The following RUNX1T1 variants were observed in gnomAD, a reference collection of about 807,000 sequenced individuals.
RUNX1T1 encodes the protein protein CBFA2T1.
A neutral mutation model predicts 62.8 loss-of-function variants in RUNX1T1; 4 were observed. That is an observed-to-expected ratio of 0.06 (90% CI 0.03 to 0.15). The LOEUF (loss-of-function observed/expected upper bound fraction) is 0.15, where lower values mean the gene tolerates loss of function less well. Among genes scored for constraint, RUNX1T1 ranks in the 10% least tolerant of loss-of-function variants. The pLI is 1.00. For missense variants in RUNX1T1, 508 were observed against 754.3 expected (o/e 0.67, Z 3.82); for synonymous variants, 291 against 286.0 (o/e 1.02, Z -0.18).
In RUNX1T1 at chr8:92,031,908, C is replaced by G. The variant is rs571776651; in HGVS notation, c.8-14545G>C. On this transcript the variant is annotated intron_variant, in intron 1 of 10. Transcript: ENST00000396218. ...GGAGTTCGAGAACAGCCTGGCCAACCTGGTGAAACCCCATCTCTACTAAAA... is the reference window on the plus strand; with the variant it reads ...GGAGTTCGAGAACAGCCTGGCCAACGTGGTGAAACCCCATCTCTACTAAAA... Among the ~76,000 whole-genome samples the G allele has an allele frequency of 1.9e-3, 285 of 151,572 alleles. 1 individual carries two copies. The Middle Eastern group carries it at 0.034, about 18-fold the overall frequency.
intron 1 of RUNX1T1, among the ~76,000 whole-genome samples, chr8:92,084,447 A>G (rs1835781850): frequency 6.6e-6 from 1 of 152,186 alleles, no homozygotes; most frequent in African/African-American, 2.4e-5. Flanking sequence ...GAGAAAAAAA[A>G]CAACATGCTG....
chr8:92,086,433 T>G (rs2130862667), intron 1 of RUNX1T1, among the ~76,000 whole-genome samples: 1 of 151,910 alleles, frequency 6.6e-6, no homozygotes, highest in South Asian at 2.1e-4. Flanking sequence ...CAAAGAAGAG[T>G]TTGAAATCTG....
intron 1 of RUNX1T1, chr8:92,095,212 C>T (rs1837611202): frequency 1.3e-6 from 2 of 1,534,360 alleles, no homozygotes; most frequent in Non-Finnish European, 1.7e-6. Flanking sequence ...CTTCACTTCT[C>T]CTGGTCTTAT....
exon 11 of RUNX1T1, chr8:91,960,342 G>A: frequency 6.2e-7 from 1 of 1,613,686 alleles, no homozygotes; most frequent in Non-Finnish European, 8.5e-7. Flanking sequence ...CCCGCTGTTG[G>A]GCGTGACAGA....
chr8:92,097,385 C>A (rs1237798481), intron 1 of RUNX1T1, among the ~76,000 whole-genome samples: 1 of 152,108 alleles, frequency 6.6e-6, no homozygotes, highest in Admixed American at 6.5e-5. Flanking sequence ...CTTTAGCTCT[C>A]ATAAAAGGTC....
intron 1 of RUNX1T1, among the ~76,000 whole-genome samples, chr8:92,049,505 A>G (rs1364724979): frequency 6.6e-6 from 1 of 152,172 alleles, no homozygotes; most frequent in African/African-American, 2.4e-5. Flanking sequence ...TCTGCAGGAC[A>G]TCAAAAAACA....
At chr8:91,965,675 C>G (rs1355757601) in intron 10 of RUNX1T1, among the ~76,000 whole-genome samples, 1 of 152,120 alleles carries the variant, frequency 6.6e-6, no homozygotes, top group Admixed American at 6.6e-5. Context: ...TTTGGCAACA[C>G]TCATGCCCAA....
chr8:92,041,822 T>G (rs368065822), intron 1 of RUNX1T1, among the ~76,000 whole-genome samples: 2 of 151,180 alleles, frequency 1.3e-5, no homozygotes, highest in South Asian at 2.1e-4. Context: ...GGGGTGGGTT[T>G]TTTTTTTTTT....
chr8:92,072,064 T>C (rs912813101), intron 2 of RUNX1T1, among the ~76,000 whole-genome samples: 3 of 152,234 alleles, frequency 2.0e-5, no homozygotes, highest in African/African-American at 7.2e-5. Flanking sequence ...TAAAAATTCA[T>C]ATACAGCAAA....
intron 1 of RUNX1T1, among the ~76,000 whole-genome samples, chr8:92,083,304 T>C (rs1194201755): frequency 6.6e-6 from 1 of 151,868 alleles, no homozygotes; most frequent in Non-Finnish European, 1.5e-5. Flanking sequence ...ACCATCAGAG[T>C]GAACAGGCAA....
upstream of RUNX1T1, among the ~76,000 whole-genome samples, chr8:92,063,894 CA>C: frequency 6.6e-6 from 1 of 152,302 alleles, no homozygotes; most frequent in Middle Eastern, 3.4e-3. Flanking sequence ...CAATTCCACT[CA>C]GGGTCCTCTG....
chr8:92,010,982 A>G lies in RUNX1T1; in HGVS notation c.477+20T>C. ...CAATATGGTTTAAAATACTTTACAGACCAGTGAACTGTGCAATACCTTCAA... is the reference window on the plus strand; with the variant it reads ...CAATATGGTTTAAAATACTTTACAGGCCAGTGAACTGTGCAATACCTTCAA... On this transcript the variant is annotated intron_variant, in intron 4 of 10. Transcript: ENST00000396218. The G allele has an allele frequency of 7.3e-7, 1 of 1,363,978 alleles. No individual in the cohort carries two copies. The highest frequency in any genetic ancestry group is 1.0e-6 in the Non-Finnish European group (1 of 952,448). The allele number at this position is 1,363,978 out of a possible 1,614,324, so 84.5% of individuals were successfully genotyped here.
chr8:91,997,114 G>A (rs568852281), intron 5 of RUNX1T1, among the ~76,000 whole-genome samples: 4 of 152,172 alleles, frequency 2.6e-5, no homozygotes, highest in African/African-American at 7.2e-5. Flanking sequence ...GTGACAGAGC[G>A]AGACTCCATC....
At chr8:92,037,277 A>C (rs926905637) in intron 1 of RUNX1T1, among the ~76,000 whole-genome samples, 8 of 152,216 alleles carry the variant, frequency 5.3e-5, no homozygotes, top group African/African-American at 1.7e-4. Flanking sequence ...CATCCAACTA[A>C]GTGAAAGAAA....
intron 2 of RUNX1T1, 123 bp downstream of exon 2, chr8:92,075,842 A>T: frequency 1.2e-6 from 1 of 835,298 alleles, no homozygotes; most frequent in Non-Finnish European, 1.8e-6. Context: ...CATACAATAG[A>T]ACAGGCACTA....
At chr8:92,048,927 C>A (rs1317001215) in intron 1 of RUNX1T1, among the ~76,000 whole-genome samples, 4 of 152,124 alleles carry the variant, frequency 2.6e-5, no homozygotes, top group Non-Finnish European at 5.9e-5. Flanking sequence ...ATTATAGCGC[C>A]TAAGCCAAAC....
intron 1 of RUNX1T1, among the ~76,000 whole-genome samples, chr8:92,035,430 C>T (rs1285920994): frequency 2.0e-5 from 3 of 151,910 alleles, no homozygotes; most frequent in Non-Finnish European, 2.9e-5. Context: ...CTAAAAGCCT[C>T]GGCTTTACCA....
chr8:92,100,879 A>C (rs1295933528), upstream of RUNX1T1, among the ~76,000 whole-genome samples: 1 of 152,230 alleles, frequency 6.6e-6, no homozygotes, highest in Non-Finnish European at 1.5e-5. Context: ...TAGTTTAAGA[A>C]ACAATGGTGT....
chr8:92,003,267 TTC>T (rs1820103711), intron 5 of RUNX1T1: 1 of 430,752 alleles, frequency 2.3e-6, no homozygotes. Flanking sequence ...AGATGAAGTT[TTC>T]ATATCAGTGT....
Sources: allele counts gnomAD v4.1 joint callset (sites outside exome capture counted in the v4.1 genomes callset), GRCh38; gene constraint gnomAD v4.1.1; transcripts MANE v1.5; gene names NCBI Gene and HGNC (gene_info 2026-07-23, HGNC 2026-07-21).